NRDE2: variants seen among roughly 807,000 people sequenced by gnomAD.
NRDE2 encodes the protein NRDE-2, necessary for RNA interference, domain containing.
Under a neutral mutation model 124.2 loss-of-function variants are expected in NRDE2, and 76 were observed. That is an observed-to-expected ratio of 0.61 (90% CI 0.51 to 0.74). The LOEUF (loss-of-function observed/expected upper bound fraction) is 0.74, where lower values mean the gene tolerates loss of function less well. Ranked by LOEUF, NRDE2 falls within the 30% of genes least tolerant of loss-of-function variation. NRDE2 has a pLI of 0.00. For synonymous variants in NRDE2, 489 were observed against 528.1 expected (o/e 0.93, Z 1.01); for missense variants, 1,314 against 1,417.3 (o/e 0.93, Z 1.17).
At chr14:90,280,669 CGT>C (rs1228746864) in intron 12 of NRDE2, 1 of 152,222 alleles carries the variant, frequency 6.6e-6, no homozygotes, top group Non-Finnish European at 1.5e-5. Flanking sequence ...TCTTCTGAGA[CGT>C]GGCCTGCGTG....
intron 4 of NRDE2, 48 bp downstream of exon 4, chr14:90,312,346 A>G (rs1884873776): frequency 2.5e-6 from 4 of 1,598,986 alleles, no homozygotes; most frequent in Admixed American, 1.7e-5. Context: ...CCGAGGAGAA[A>G]AAAGTCACTT....
chr14:90,298,671 T>TG (rs767142244), intron 7 of NRDE2, among the ~76,000 whole-genome samples: 123 of 152,234 alleles, frequency 8.1e-4, no homozygotes, highest in Admixed American at 2.1e-3. Context: ...GCAAAAGTGA[T>TG]GGGGGGTCAC....
At chr14:90,298,483 G>T in intron 7 of NRDE2, 103 bp from the exon 8 acceptor site, 1 of 1,186,600 alleles carries the variant, frequency 8.4e-7, no homozygotes. Context: ...TATGATCCTT[G>T]AAATCATGTT....
At chr14:90,326,500 CAA>C (rs10684490) in intron 1 of NRDE2, among the ~76,000 whole-genome samples, 8 of 78,820 alleles carry the variant, frequency 1.0e-4, no homozygotes, top group Admixed American at 1.4e-4. Flanking sequence ...GACTCTGTCT[CAA>C]AAAAAAAAAA....
chr14:90,320,571 A>T (rs10136497), intron 1 of NRDE2, among the ~76,000 whole-genome samples: 5,145 of 152,358 alleles, frequency 0.034, 264 homozygotes, highest in African/African-American at 0.12. Flanking sequence ...AGGAGATACC[A>T]TAATGTATGC....
chr14:90,323,083 C>T (rs767907399), intron 1 of NRDE2, among the ~76,000 whole-genome samples: 13 of 152,160 alleles, frequency 8.5e-5, no homozygotes, highest in Non-Finnish European at 1.6e-4. Flanking sequence ...ATTATGCATA[C>T]ACACCAAGAA....
At chr14:90,311,794 A>AT (rs1595072079) in intron 4 of NRDE2, among the ~76,000 whole-genome samples, 1 of 152,324 alleles carries the variant, frequency 6.6e-6, no homozygotes, top group East Asian at 1.9e-4. Context: ...TCACAAAAAA[A>AT]GTCATAATGT....
At chr14:90,318,149 A>G in intron 1 of NRDE2, 36 bp from the exon 2 acceptor site, 1 of 1,497,982 alleles carries the variant, frequency 6.7e-7, no homozygotes, top group Non-Finnish European at 9.3e-7. Context: ...CAATGAAATT[A>G]GTTCAATATG....
chr14:90,289,152 G>C lies in NRDE2; in HGVS notation c.2230-7C>G. 1 of 1,582,980 alleles carries C rather than the reference G, an allele frequency of 6.3e-7. No homozygotes were observed. The highest frequency in any genetic ancestry group is 8.6e-7 in the Non-Finnish European group (1 of 1,160,150). ...TGTGCAGGCACCAAATGACCTACAGGGAAAAAGAGAAGAATGACTGCAGGT... is the reference window on the plus strand; with the variant it reads ...TGTGCAGGCACCAAATGACCTACAGCGAAAAAGAGAAGAATGACTGCAGGT... On this transcript the variant is annotated splice_region_variant and splice_polypyrimidine_tract_variant and intron_variant, in intron 10 of 13. Coordinates refer to ENST00000354366, the MANE Select transcript of NRDE2 (RefSeq NM_017970.4).
intron 1 of NRDE2, among the ~76,000 whole-genome samples, chr14:90,325,676 C>A (rs1407299913): frequency 6.6e-6 from 1 of 152,202 alleles, no homozygotes; most frequent in Non-Finnish European, 1.5e-5. Flanking sequence ...CAGGAACACA[C>A]TACCACACCT....
chr14:90,299,982 C>G (rs1884333908), intron 7 of NRDE2, among the ~76,000 whole-genome samples: 1 of 152,266 alleles, frequency 6.6e-6, no homozygotes, highest in East Asian at 1.9e-4. Flanking sequence ...AAACTTTATT[C>G]CAAAGTTGTC....
intron 1 of NRDE2, among the ~76,000 whole-genome samples, chr14:90,328,728 C>T (rs1025877291): frequency 6.6e-6 from 1 of 152,126 alleles, no homozygotes; most frequent in Admixed American, 6.5e-5. Flanking sequence ...TACCAGTTTA[C>T]AGGAAATACT....
At chr14:90,319,598 T>C (rs1332461205) in intron 1 of NRDE2, among the ~76,000 whole-genome samples, 1 of 152,208 alleles carries the variant, frequency 6.6e-6, no homozygotes, top group African/African-American at 2.4e-5. Context: ...TCATATAATA[T>C]ACGTGGTCTT....
At chr14:90,305,089 T>G (rs547791452) in intron 4 of NRDE2, among the ~76,000 whole-genome samples, 1 of 152,256 alleles carries the variant, frequency 6.6e-6, no homozygotes, top group East Asian at 1.9e-4. Context: ...CAATTCAATT[T>G]TAAAAACGGG....
At chr14:90,321,497 A>G (rs1195106577) in intron 1 of NRDE2, among the ~76,000 whole-genome samples, 1 of 149,176 alleles carries the variant, frequency 6.7e-6, no homozygotes, top group East Asian at 2.0e-4. Flanking sequence ...GGACCACTGG[A>G]GCCCAGGAGT....
chr14:90,284,968 A>T (rs1273089757), intron 12 of NRDE2, among the ~76,000 whole-genome samples: 1 of 152,100 alleles, frequency 6.6e-6, no homozygotes. Context: ...TTAAATGAAC[A>T]CAAAGCTGCT....
intron 4 of NRDE2, 101 bp from the exon 5 acceptor site, chr14:90,304,483 T>G (rs1417522493): frequency 9.0e-6 from 7 of 774,062 alleles, no homozygotes; most frequent in Non-Finnish European, 1.2e-5. Context: ...GCAGGTTCAC[T>G]GCATATAACC....
Position 90,273,921 on chromosome 14 carries a change from G to C in NRDE2, c.*4415C>G, listed in dbSNP as rs1405835571. The stretch of plus-strand genomic sequence containing the variant: ...GCCTTTTCTATTCTTATGGATCCTT[G>C]TGATTGCATTGGACCCATGCAGATG... On this transcript the variant is annotated 3_prime_UTR_variant, in exon 14 of 14. Coordinates refer to ENST00000354366, the MANE Select transcript of NRDE2 (RefSeq NM_017970.4). The C allele has an allele frequency of 6.5e-6, 1 of 154,862 alleles. No individual in the cohort carries two copies. Among genetic ancestry groups the C allele is most frequent in the Non-Finnish European group, 1.5e-5 (1 of 68,244 alleles). The allele number at this position is 154,862 out of a possible 1,614,324, so 9.6% of individuals were successfully genotyped here. A position where few individuals can be genotyped will look rare whatever the true frequency, so the allele number is the denominator to read the frequency against.
chr14:90,329,487 C>T (rs1885581384), intron 1 of NRDE2, among the ~76,000 whole-genome samples: 1 of 152,050 alleles, frequency 6.6e-6, no homozygotes, highest in Non-Finnish European at 1.5e-5. Flanking sequence ...ATCACTTGAG[C>T]CCAGCAGTCT....
Sources: allele counts gnomAD v4.1 joint callset (sites outside exome capture counted in the v4.1 genomes callset), GRCh38; gene constraint gnomAD v4.1.1; transcripts MANE v1.5; gene names NCBI Gene and HGNC (gene_info 2026-07-23, HGNC 2026-07-21).